Variants in MYT1L observed in about 807,000 individuals in gnomAD.
MYT1L encodes myelin transcription factor 1-like protein.
A neutral mutation model predicts 126.7 loss-of-function variants in MYT1L; 12 were observed. The ratio of observed to expected loss-of-function variants is 0.09; its 90% CI spans 0.06 to 0.15. MYT1L has a LOEUF of 0.15. MYT1L is among the 10% of genes least tolerant of loss of function. The probability of loss-of-function intolerance (pLI) is 1.00; values close to 1 mark genes in which losing one functional copy is unlikely to be tolerated. For missense variants in MYT1L, 979 were observed against 1,585.2 expected, an observed-to-expected ratio of 0.62 and a Z score of 6.49; for synonymous variants, 541 against 604.2, an observed-to-expected ratio of 0.90 and a Z score of 1.53.
At chr2:1,796,202 G>A (rs1220342674) in intron 23 of MYT1L, among the ~76,000 whole-genome samples, 3 of 152,216 alleles carry the variant, frequency 2.0e-5, no homozygotes, top group Non-Finnish European at 4.4e-5. Context: ...TAAAATATTT[G>A]CCATCTGGTC....
intron 2 of MYT1L, among the ~76,000 whole-genome samples, chr2:2,235,935 A>G (rs947735323): frequency 6.6e-6 from 1 of 152,204 alleles, no homozygotes; most frequent in African/African-American, 2.4e-5. Context: ...TGAAAATCCA[A>G]TAGTTTCATT....
intron 3 of MYT1L, among the ~76,000 whole-genome samples, chr2:2,097,004 C>A (rs765918718): frequency 6.6e-6 from 1 of 152,118 alleles, no homozygotes; most frequent in African/African-American, 2.4e-5. Flanking sequence ...CGTCCTTCAT[C>A]CTTGTGGTCC....
intron 3 of MYT1L, among the ~76,000 whole-genome samples, chr2:2,121,634 G>C (rs779780363): frequency 6.6e-6 from 1 of 151,262 alleles, no homozygotes; most frequent in East Asian, 2.0e-4. Flanking sequence ...TTACAGGTGC[G>C]CACCACCATA....
intron 3 of MYT1L, among the ~76,000 whole-genome samples, chr2:2,112,978 A>G (rs958854390): frequency 8.5e-5 from 13 of 152,134 alleles, no homozygotes; most frequent in Admixed American, 7.9e-4. Flanking sequence ...TGCCTGATAC[A>G]GTGCTTGGAA....
At chr2:1,965,123 GA>G (rs777244334) in intron 8 of MYT1L, among the ~76,000 whole-genome samples, 5 of 152,176 alleles carry the variant, frequency 3.3e-5, no homozygotes, top group Non-Finnish European at 5.9e-5. Context: ...ATCAGGCAGG[GA>G]AGAGGGGGAC....
intron 3 of MYT1L, among the ~76,000 whole-genome samples, chr2:2,122,785 G>C (rs1284188530): frequency 1.3e-5 from 2 of 151,722 alleles, no homozygotes; most frequent in Non-Finnish European, 2.9e-5. Context: ...TCTCTGCCAG[G>C]CTGGTTCCTG....
Position 1,912,475 on chromosome 2 carries a change from C to T in MYT1L, c.1619-365G>A, listed in dbSNP as rs905388205. 5.3e-5 allele frequency among the ~76,000 whole-genome samples: 8 copies of T among 152,066 alleles called. No individual in the cohort carries two copies. The highest frequency in any genetic ancestry group is 1.9e-4 in the East Asian group (1 of 5,168). On this transcript the variant is annotated intron_variant, in intron 11 of 24. Transcript: ENST00000647738. The surrounding 1 kb of genome is among the most constrained non-coding windows in gnomAD (Gnocchi z 4.3). ...ACTCTTTCCTGATGGGCTAGGGGAG[C>T]GAGGGCCTCACAGATATTACCCATG...
intron 24 of MYT1L, 107 bp downstream of exon 24, chr2:1,792,214 T>G (rs2032229774): frequency 1.4e-6 from 2 of 1,410,992 alleles, no homozygotes; most frequent in Admixed American, 5.0e-5. Context: ...CCACAAACAT[T>G]TGCCAAAGGC....
chr2:2,102,105 T>G (rs1292613428), intron 3 of MYT1L, among the ~76,000 whole-genome samples: 2 of 151,948 alleles, frequency 1.3e-5, no homozygotes, highest in Non-Finnish European at 2.9e-5. Context: ...ATCCCTGCAG[T>G]CCCCTACTTA....
intron 4 of MYT1L, among the ~76,000 whole-genome samples, chr2:2,043,669 C>G (rs372079239): frequency 8.7e-4 from 133 of 152,258 alleles, no homozygotes; most frequent in Middle Eastern, 3.4e-3. Context: ...CCCTTCACCC[C>G]CTTCCTTGCC....
At chr2:2,310,079 C>A (rs568925772) in intron 1 of MYT1L, among the ~76,000 whole-genome samples, 2 of 152,032 alleles carry the variant, frequency 1.3e-5, no homozygotes, top group Non-Finnish European at 2.9e-5. Context: ...CTTTTATGTT[C>A]TCTACCTAGA....
intron 1 of MYT1L, among the ~76,000 whole-genome samples, chr2:2,298,733 G>A (rs1273729270): frequency 6.6e-6 from 1 of 152,162 alleles, no homozygotes; most frequent in Admixed American, 6.5e-5. Flanking sequence ...CACAAGACAC[G>A]GCATGTTCTC....
At chr2:2,091,963 T>C (rs2076955007) in intron 3 of MYT1L, among the ~76,000 whole-genome samples, 1 of 152,230 alleles carries the variant, frequency 6.6e-6, no homozygotes. Context: ...GGGAATATTG[T>C]GGCTGCTCTA....
chr2:1,819,549 C>T lies in MYT1L; in HGVS notation c.3081-10382G>A, dbSNP rs182805319. On this transcript the variant is annotated intron_variant, in intron 21 of 24. Coordinates refer to ENST00000647738, the MANE Select transcript of MYT1L (RefSeq NM_001303052.2). ...TCCAGCACCAGCCTCACCCTCCACTCCTCCTCCTGCAGCCTCTCTCCATGC... is the reference window on the plus strand; with the variant it reads ...TCCAGCACCAGCCTCACCCTCCACTTCTCCTCCTGCAGCCTCTCTCCATGC... Among the ~76,000 whole-genome samples, 9 of 152,342 alleles carry T rather than the reference C, an allele frequency of 5.9e-5. No homozygotes were observed. The East Asian group carries it at 1.7e-3, about 29-fold the overall frequency.
chr2:2,226,157 T>C (rs2149023778), intron 2 of MYT1L, among the ~76,000 whole-genome samples: 2 of 152,252 alleles, frequency 1.3e-5, no homozygotes, highest in Middle Eastern at 3.4e-3. Context: ...CAGAACCCAC[T>C]GTTCAGGCTT....
chr2:1,867,035 G>A (rs1161371088), intron 18 of MYT1L, among the ~76,000 whole-genome samples: 2 of 140,124 alleles, frequency 1.4e-5, no homozygotes, highest in Non-Finnish European at 3.1e-5. Flanking sequence ...GAGAGGGAGA[G>A]GGGCAGCCAG....
chr2:2,246,442 AC>A lies in MYT1L; in HGVS notation c.-421+37961del, dbSNP rs1343598134. ...TGAGCTGTGTGTGCCGCAATGGAAC[AC>A]CATGAGACGGGTACTGAATAGACCT... On this transcript the variant is annotated intron_variant, in intron 2 of 24. Coordinates refer to ENST00000647738, the MANE Select transcript of MYT1L (RefSeq NM_001303052.2). Among the ~76,000 whole-genome samples, 4 of 152,278 alleles carry A rather than the reference AC, an allele frequency of 2.6e-5. No individual in the cohort carries two copies. In the Middle Eastern group the frequency reaches 0.01, roughly 388 times the overall value.
intron 2 of MYT1L, among the ~76,000 whole-genome samples, chr2:2,269,724 C>T (rs1307641696): frequency 5.3e-5 from 8 of 152,150 alleles, no homozygotes; most frequent in South Asian, 2.1e-4. Flanking sequence ...AAGGCTCTCA[C>T]GTCTTGCTTA....
chr2:2,107,847 G>A lies in MYT1L; in HGVS notation c.-303-53724C>T, dbSNP rs147064319. On this transcript the variant is annotated intron_variant, in intron 3 of 24. Coordinates refer to ENST00000647738, the MANE Select transcript of MYT1L (RefSeq NM_001303052.2). ...GCGTGCACCCAGAAGAGCAGAAGGC[G>A]GGCCGCTGCTCTGCCTTTACCCCAG... is the stretch of plus-strand genomic sequence containing the variant. Among the ~76,000 whole-genome samples, 1,456 of 152,242 alleles carry A rather than the reference G, an allele frequency of 9.6e-3. 29 individuals are homozygous for A. Among genetic ancestry groups the A allele is most frequent in the African/African-American group, 0.033 (1,364 of 41,542 alleles).
Sources: gnomAD v4.1 joint callset for allele counts (sites outside exome capture counted in the v4.1 genomes callset) on GRCh38, gnomAD v4.1.1 for gene constraint, Gnocchi (gnomAD v3.1) non-coding constraint, MANE v1.5 for transcripts, NCBI Gene and HGNC (gene_info 2026-07-23, HGNC 2026-07-21) for gene names.